ARAP3: variants seen among roughly 807,000 people sequenced by gnomAD.
ARAP3 encodes ArfGAP with RhoGAP domain, ankyrin repeat and PH domain 3.
A neutral mutation model predicts 169.2 loss-of-function variants in ARAP3; 82 were observed. That is an observed-to-expected ratio of 0.48 (90% confidence interval 0.41 to 0.58). The LOEUF (loss-of-function observed/expected upper bound fraction) is 0.58. Ranked by LOEUF, ARAP3 falls within the 20% of genes least tolerant of loss-of-function variation. ARAP3 has a pLI of 0.00. For missense variants in ARAP3, 1,764 were observed against 2,018.0 expected, an observed-to-expected ratio of 0.87 and a Z score of 2.41; for synonymous variants, 791 against 800.3, an observed-to-expected ratio of 0.99 and a Z score of 0.20.
chr5:141,670,443 C>T (rs1046950413), intron 14 of ARAP3, 69 bp downstream of exon 14: 2 of 1,475,670 alleles, frequency 1.4e-6, no homozygotes, highest in African/African-American at 2.8e-5. Flanking sequence ...CCTCTTTGTC[C>T]CTCTGCAGTA....
At chr5:141,654,894 C>A (rs566631560) in intron 32 of ARAP3, among the ~76,000 whole-genome samples, 2 of 152,092 alleles carry the variant, frequency 1.3e-5, no homozygotes, top group South Asian at 4.2e-4. Flanking sequence ...CATGCACCAC[C>A]ACACCTAGCT....
At chr5:141,660,797 T>C (rs1375321118) in intron 21 of ARAP3, among the ~76,000 whole-genome samples, 1 of 152,098 alleles carries the variant, frequency 6.6e-6, no homozygotes, top group Non-Finnish European at 1.5e-5. Context: ...TAATATAGTA[T>C]AATCAGTGCA....
rs201975820 is a variant in ARAP3, at chr5:141,680,127, G to A, written c.360C>T (p.Leu120=). ...TTQRPGLSPA[L]GGPGVSRSPE... is the part of the protein sequence containing the mutation. ...GGCTCCTGGACACTCCTGGTCCCCCGAGGGCTGGGCTCAGCCCAGGTCTCT... is the reference window on the plus strand; with the variant it reads ...GGCTCCTGGACACTCCTGGTCCCCCAAGGGCTGGGCTCAGCCCAGGTCTCT... Residue 120 remains leucine, a synonymous_variant, in exon 2 of 33, where the codon CTC becomes CTT. Coordinates refer to ENST00000239440, the MANE Select transcript of ARAP3 (RefSeq NM_022481.6). 3.7e-5 allele frequency: 59 copies of A among 1,611,520 alleles called. No individual in the cohort carries two copies. In the Admixed American group the frequency reaches 3.8e-4, roughly 10 times the overall value.
intron 21 of ARAP3, among the ~76,000 whole-genome samples, chr5:141,660,411 G>A (rs547850965): frequency 8.6e-5 from 13 of 151,228 alleles, no homozygotes; most frequent in African/African-American, 1.5e-4. Flanking sequence ...GGAGAATGGC[G>A]TGAACCCTGG....
intron 17 of ARAP3, 39 bp downstream of exon 17, chr5:141,666,384 GC>G: frequency 6.9e-7 from 1 of 1,451,232 alleles, no homozygotes; most frequent in Non-Finnish European, 9.1e-7. Context: ...CACCCGCATG[GC>G]CACCCTTCAT....
chr5:141,659,266 G>T, intron 23 of ARAP3, 142 bp downstream of exon 23: 1 of 730,918 alleles, frequency 1.4e-6, no homozygotes, highest in Non-Finnish European at 2.4e-6. Flanking sequence ...TTCTCTCATT[G>T]GGTTCCCCCT....
chr5:141,666,175 G>T (rs982087630), intron 17 of ARAP3, among the ~76,000 whole-genome samples: 57 of 152,014 alleles, frequency 3.7e-4, no homozygotes, highest in African/African-American at 1.4e-3. Flanking sequence ...TCTGAGGAAG[G>T]TGTTATTATT....
chr5:141,656,034 A>G, intron 29 of ARAP3, 30 bp downstream of exon 29: 1 of 1,614,174 alleles, frequency 6.2e-7, no homozygotes. Context: ...GAGGTGGGCC[A>G]GAGGAGAAGC....
chr5:141,657,306 A>G (rs895630467), intron 25 of ARAP3, among the ~76,000 whole-genome samples: 2 of 152,254 alleles, frequency 1.3e-5, no homozygotes, highest in Non-Finnish European at 2.9e-5. Context: ...TTGGGGAACT[A>G]AACAGCCAAT....
Position 141,654,321 on chromosome 5 carries a change from A to G in ARAP3, c.4264T>C (p.Ser1422Pro), listed in dbSNP as rs1338863218. 8 of 1,614,100 alleles carry G rather than the reference A, an allele frequency of 5.0e-6. No individual in the cohort carries two copies. The highest frequency in any genetic ancestry group is 6.8e-6 in the Non-Finnish European group (8 of 1,180,012). The change falls in exon 33 of 33, where the codon TCT becomes CCT. Residue 1422 changes from serine (S) to proline (P), a missense_variant. Physicochemically the swap from Ser to Pro is moderately conservative, Grantham distance 74. Around this residue, in one of 3 missense-constraint regions of ARAP3, gnomAD observed 1,112 missense variants for 1,285.7 expected, o/e 0.86. Transcript: ENST00000239440. ...TCCCGTGTGGTGGAGAAGGAGGTAG[A>G]AGTGTCCTGGATCAACTCAGGGAAG... ...GAFPELIQDT[S>P]TSFSTTREWT...
chr5:141,667,252 C>T (rs1450056421), intron 16 of ARAP3, among the ~76,000 whole-genome samples: 1 of 151,954 alleles, frequency 6.6e-6, no homozygotes, highest in Non-Finnish European at 1.5e-5. Flanking sequence ...CTCATGATGC[C>T]CTGGGAAATC....
At chr5:141,675,596 G>A (rs894871026) in intron 4 of ARAP3, among the ~76,000 whole-genome samples, 4 of 151,882 alleles carry the variant, frequency 2.6e-5, no homozygotes, top group Middle Eastern at 3.4e-3. Flanking sequence ...GCTGGCGGGC[G>A]CCTGTAATTC....
intron 1 of ARAP3, chr5:141,680,769 T>A (rs982349875): frequency 2.0e-6 from 1 of 501,764 alleles, no homozygotes; most frequent in African/African-American, 2.0e-5. Flanking sequence ...AGTGCTAGAG[T>A]TGGCCCCTCA....
At position 141,662,162 on chromosome 5, in the gene ARAP3, T is replaced by C; in HGVS notation, c.2894A>G (p.Lys965Arg). 1.2e-6 allele frequency: 2 copies of C among 1,614,188 alleles called. No homozygotes were observed. Among genetic ancestry groups the C allele is most frequent in the Non-Finnish European group, 1.7e-6 (2 of 1,180,036 alleles). Residue 965 changes from lysine to arginine, a missense_variant, in exon 20 of 33, where the codon AAG becomes AGG. Transcript: ENST00000239440. ...AEFRRDARSV[K>R]LRPGEHFVED... Reference sequence around the variant, plus strand: ...CACAAAGTGCTCCCCTGGTCGGAGCTTCACCGACCGGGCATCCCGACGGAA... The same window carrying C: ...CACAAAGTGCTCCCCTGGTCGGAGCCTCACCGACCGGGCATCCCGACGGAA...
At position 141,670,071 on chromosome 5, in the gene ARAP3, A is replaced by G; in HGVS notation, c.2108-8T>C. 1.9e-6 allele frequency: 3 copies of G among 1,584,058 alleles called. No individual in the cohort carries two copies. Among genetic ancestry groups the G allele is most frequent in the Non-Finnish European group, 2.6e-6 (3 of 1,172,630 alleles). ...ACCAAAGGCGCGGGGGAGCTAAGGCAGAGGGAGATAGTCAGGGAGCAGCAG... is the reference window on the plus strand; with the variant it reads ...ACCAAAGGCGCGGGGGAGCTAAGGCGGAGGGAGATAGTCAGGGAGCAGCAG... On this transcript the variant is annotated splice_polypyrimidine_tract_variant and splice_region_variant and intron_variant, in intron 14 of 32. Transcript: ENST00000239440.
In ARAP3 at chr5:141,664,950, A is replaced by G. The variant is rs767197668; in HGVS notation, c.2772T>C (p.Asp924=). The G allele has an allele frequency of 1.2e-6, 2 of 1,604,486 alleles. No homozygotes were observed. The highest frequency in any genetic ancestry group is 1.4e-5 in the African/African-American group (1 of 72,314). ...GCTGGGTAACAAAACTGATGCAGGC[A>G]TCCACGATGATGGGGATGTCACCCC... ...MSRGDIPIIV[D]ACISFVTQHG... is the part of the protein sequence containing the mutation. The change falls in exon 19 of 33, where the codon GAT becomes GAC. Residue 924 remains aspartate, a synonymous_variant. Coordinates refer to ENST00000239440, the MANE Select transcript of ARAP3 (RefSeq NM_022481.6).
Position 141,659,873 on chromosome 5 carries a change from A to G in ARAP3, c.3173T>C (p.Leu1058Pro). 1 of 1,596,358 alleles carries G rather than the reference A, an allele frequency of 6.3e-7. No homozygotes were observed. The highest frequency in any genetic ancestry group is 8.5e-7 in the Non-Finnish European group (1 of 1,172,074). Residue 1058 changes from leucine (L) to proline (P), a missense_variant, in exon 22 of 33, where the codon CTG becomes CCG. Around this residue, in one of 3 missense-constraint regions of ARAP3, gnomAD observed 1,112 missense variants for 1,285.7 expected, o/e 0.86. Coordinates refer to ENST00000239440, the MANE Select transcript of ARAP3 (RefSeq NM_022481.6). ...CGTCTGGAACACGCTGGGTGCAAAC[A>G]GCAGAGCCAAGTTCCGCGTGCACAT... ...NQMCTRNLALLFAPSVFQTDG... is the reference protein window; with the variant it reads ...NQMCTRNLALPFAPSVFQTDG...
intron 17 of ARAP3, among the ~76,000 whole-genome samples, chr5:141,665,813 C>G (rs1315939474): frequency 2.6e-5 from 4 of 152,070 alleles, no homozygotes; most frequent in African/African-American, 7.2e-5. Flanking sequence ...GGTGGATCAC[C>G]TGAGGTCAGG....
intron 19 of ARAP3, among the ~76,000 whole-genome samples, chr5:141,662,756 C>G (rs938797315): frequency 1.1e-4 from 16 of 152,264 alleles, no homozygotes; most frequent in African/African-American, 3.9e-4. Context: ...TTGTTGGTGA[C>G]TTCACTGTTT....
Sources: gnomAD v4.1 joint callset for allele counts (sites outside exome capture counted in the v4.1 genomes callset) on GRCh38, gnomAD v4.1.1 for gene constraint, gnomAD v4.1.1 regional missense constraint, MANE v1.5 for transcripts, NCBI Gene and HGNC (gene_info 2026-07-23, HGNC 2026-07-21) for gene names.